The following MAPK4 variants were observed in gnomAD, a reference collection of about 807,000 sequenced individuals.
The protein encoded by MAPK4 is mitogen-activated protein kinase 4.
Under a neutral mutation model 47.7 loss-of-function variants are expected in MAPK4, and 22 were observed. The ratio of observed to expected loss-of-function variants is 0.46; its 90% CI spans 0.33 to 0.66. The LOEUF is 0.66. Among genes scored for constraint, MAPK4 ranks in the 30% least tolerant of loss-of-function variants. The pLI, the probability that MAPK4 is intolerant of heterozygous loss-of-function variation, is 0.02. For missense variants in MAPK4, 736 were observed against 831.7 expected, an observed-to-expected ratio of 0.88 and a Z score of 1.42; for synonymous variants, 390 against 365.7, an observed-to-expected ratio of 1.07 and a Z score of -0.76.
At chr18:50,614,222 G>A (rs1039502105) in intron 1 of MAPK4, among the ~76,000 whole-genome samples, 3 of 151,860 alleles carry the variant, frequency 2.0e-5, no homozygotes, top group Non-Finnish European at 4.4e-5. Flanking sequence ...AATTAATGTT[G>A]CTTTATATAA....
chr18:50,564,610 A>T (rs908523013), intron 1 of MAPK4, among the ~76,000 whole-genome samples: 1 of 152,240 alleles, frequency 6.6e-6, no homozygotes, highest in African/African-American at 2.4e-5. Context: ...TTAACATGGC[A>T]GAACTTTTCA....
At chr18:50,622,142 G>A (rs138617250) in intron 1 of MAPK4, among the ~76,000 whole-genome samples, 1,632 of 152,324 alleles carry the variant, frequency 0.011, 17 homozygotes, top group Non-Finnish European at 0.016. Flanking sequence ...AGAGGGAGAA[G>A]CCCTGAGGTG....
chr18:50,694,628 G>A (rs1909406030), intron 2 of MAPK4, among the ~76,000 whole-genome samples: 1 of 152,198 alleles, frequency 6.6e-6, no homozygotes, highest in Non-Finnish European at 1.5e-5. Context: ...CTTAATGTGG[G>A]AATATCGGGC....
chr18:50,621,395 A>C (rs987349336), intron 1 of MAPK4, among the ~76,000 whole-genome samples: 9 of 152,186 alleles, frequency 5.9e-5, no homozygotes, highest in Non-Finnish European at 1.2e-4. Context: ...AGAGTGGGGC[A>C]ATATCTATGT....
chr18:50,667,637 C>T (rs1907679678), intron 2 of MAPK4, among the ~76,000 whole-genome samples: 1 of 152,074 alleles, frequency 6.6e-6, no homozygotes, highest in Non-Finnish European at 1.5e-5. Context: ...TTGTGTGGGA[C>T]AAAAAAATGC....
chr18:50,634,581 G>A (rs893520122), intron 1 of MAPK4, among the ~76,000 whole-genome samples: 1 of 152,076 alleles, frequency 6.6e-6, no homozygotes, highest in Non-Finnish European at 1.5e-5. Flanking sequence ...TTTAGAGTGG[G>A]GATCAACTGT....
chr18:50,691,094 G>A (rs1909188690), intron 2 of MAPK4, among the ~76,000 whole-genome samples: 1 of 152,138 alleles, frequency 6.6e-6, no homozygotes, highest in African/African-American at 2.4e-5. Context: ...CTGGGCTCAA[G>A]CCATCCTCCC....
intron 5 of MAPK4, among the ~76,000 whole-genome samples, chr18:50,728,824 C>A (rs1911346957): frequency 6.6e-6 from 1 of 152,224 alleles, no homozygotes. Context: ...ACAGGTGGAT[C>A]CCCTAGAAAG....
At chr18:50,698,694 A>T (rs572700045) in intron 2 of MAPK4, among the ~76,000 whole-genome samples, 7 of 152,334 alleles carry the variant, frequency 4.6e-5, no homozygotes, top group African/African-American at 1.7e-4. Flanking sequence ...CACTTATGAG[A>T]CTATATTTGC....
chr18:50,656,167 G>T (rs867122735), intron 1 of MAPK4, among the ~76,000 whole-genome samples: 1 of 152,142 alleles, frequency 6.6e-6, no homozygotes, highest in Middle Eastern at 3.2e-3. Context: ...CCATTAGTTA[G>T]CTATCGCTGT....
chr18:50,686,652 A>G lies in MAPK4; in HGVS notation c.546+22148A>G, dbSNP rs1275909400. Reference sequence around the variant, plus strand: ...TTTAAACAGATCGAGATTTTTCTCCATCCAATGTGAGCCCAGTGGACACGT... The same window carrying G: ...TTTAAACAGATCGAGATTTTTCTCCGTCCAATGTGAGCCCAGTGGACACGT... On this transcript the variant is annotated intron_variant, in intron 2 of 5. Transcript: ENST00000400384. 2.6e-5 allele frequency among the ~76,000 whole-genome samples: 4 copies of G among 152,230 alleles called. No homozygotes were observed. In the South Asian group the frequency reaches 8.3e-4, roughly 32 times the overall value.
intron 4 of MAPK4, among the ~76,000 whole-genome samples, chr18:50,724,462 G>A (rs191444548): frequency 6.6e-6 from 1 of 152,354 alleles, no homozygotes; most frequent in African/African-American, 2.4e-5. Context: ...AGGGGCCAGA[G>A]GCCCAAAGAG....
At chr18:50,656,767 T>C (rs929309709) in intron 1 of MAPK4, among the ~76,000 whole-genome samples, 3 of 152,198 alleles carry the variant, frequency 2.0e-5, no homozygotes, top group African/African-American at 4.8e-5. Flanking sequence ...ATAATTATTG[T>C]TGTAGTTCCA....
chr18:50,631,297 T>C (rs1416087468), intron 1 of MAPK4, among the ~76,000 whole-genome samples: 1 of 152,182 alleles, frequency 6.6e-6, no homozygotes. Context: ...CCAGGGAGGC[T>C]GTGATGTGCC....
chr18:50,655,592 C>T (rs961133432), intron 1 of MAPK4, among the ~76,000 whole-genome samples: 4 of 152,144 alleles, frequency 2.6e-5, no homozygotes, highest in Non-Finnish European at 4.4e-5. Context: ...TTTCAAAAGC[C>T]GGAAAGCCAG....
chr18:50,652,772 C>T (rs936314962), intron 1 of MAPK4, among the ~76,000 whole-genome samples: 2 of 151,982 alleles, frequency 1.3e-5, no homozygotes, highest in African/African-American at 4.8e-5. Context: ...AGAAAAGTGA[C>T]ATAAAAGGGC....
chr18:50,621,748 T>C (rs2042733625), intron 1 of MAPK4, among the ~76,000 whole-genome samples: 2 of 152,250 alleles, frequency 1.3e-5, no homozygotes, highest in South Asian at 4.1e-4. Flanking sequence ...ACCTCCATTG[T>C]TGCTAGAGAG....
At chr18:50,648,049 G>A (rs2043007469) in intron 1 of MAPK4, among the ~76,000 whole-genome samples, 1 of 151,920 alleles carries the variant, frequency 6.6e-6, no homozygotes, top group African/African-American at 2.4e-5. Context: ...GGTAAATCTA[G>A]ACACCATGCT....
intron 2 of MAPK4, chr18:50,704,922 G>T (rs1429193028): frequency 5.0e-6 from 2 of 397,204 alleles, no homozygotes; most frequent in African/African-American, 2.1e-5. Context: ...CTCCTCAAAA[G>T]TGCTTTTGGA....
Sources: allele counts gnomAD v4.1 joint callset (sites outside exome capture counted in the v4.1 genomes callset), GRCh38; gene constraint gnomAD v4.1.1; transcripts MANE v1.5; gene names NCBI Gene and HGNC (gene_info 2026-07-23, HGNC 2026-07-21).